MICU1: variants seen among roughly 807,000 people sequenced by gnomAD.
MICU1 encodes mitochondrial calcium uptake 1, also known as calcium uptake protein 1, mitochondrial.
MICU1 carries 45 observed loss-of-function variants against 56.8 expected under a neutral mutation model. The observed-to-expected ratio is 0.79, with a 90% CI of 0.62 to 1.02. MICU1 has a LOEUF of 1.02. MICU1 is among the 50% of genes least tolerant of loss of function. MICU1 has a pLI of 0.00. For missense variants in MICU1, 504 were observed against 587.1 expected (o/e 0.86, Z 1.46); for synonymous variants, 186 against 195.1 (o/e 0.95, Z 0.39).
chr10:72,567,464 A>G (rs1381307179), intron 1 of MICU1, among the ~76,000 whole-genome samples: 1 of 152,210 alleles, frequency 6.6e-6, no homozygotes, highest in African/African-American at 2.4e-5. Flanking sequence ...ACCAGTCTAT[A>G]AAAGGTCTAC....
chr10:72,485,060 T>C (rs962528352), intron 6 of MICU1, among the ~76,000 whole-genome samples: 1 of 152,244 alleles, frequency 6.6e-6, no homozygotes, highest in South Asian at 2.1e-4. Context: ...TATCTGGCCC[T>C]TTAAGAAAAA....
chr10:72,378,758 A>C (rs963468048), intron 10 of MICU1, among the ~76,000 whole-genome samples: 14 of 152,086 alleles, frequency 9.2e-5, no homozygotes, highest in Non-Finnish European at 1.6e-4. Context: ...CCCACCACCA[A>C]CGTGCTGTGT....
chr10:72,390,394 C>T (rs554058883), intron 10 of MICU1, among the ~76,000 whole-genome samples: 1 of 152,078 alleles, frequency 6.6e-6, no homozygotes, highest in South Asian at 2.1e-4. Flanking sequence ...TAATAATGCA[C>T]CTTCATATAT....
chr10:72,534,466 T>C (rs1839574442), intron 4 of MICU1, among the ~76,000 whole-genome samples: 1 of 152,136 alleles, frequency 6.6e-6, no homozygotes, highest in Non-Finnish European at 1.5e-5. Context: ...AAACAGTCCT[T>C]GCCTTGAAAA....
rs181658962 is a variant in MICU1 at position 72,605,111 on chromosome 10, G to A, written c.-2+20899C>T. Among the ~76,000 whole-genome samples the A allele has an allele frequency of 4.6e-5, 7 of 152,206 alleles. No homozygotes were observed. In the East Asian group the frequency reaches 1.4e-3, roughly 29 times the overall value. Reference sequence around the variant, plus strand: ...CACAAAGACCCCGCTAATAAAACAGGGTGCAGTAAAGAAGCCAGCCAAACC... The same window carrying A: ...CACAAAGACCCCGCTAATAAAACAGAGTGCAGTAAAGAAGCCAGCCAAACC... On this transcript the variant is annotated intron_variant, in intron 1 of 11. Transcript: ENST00000361114.
intron 10 of MICU1, among the ~76,000 whole-genome samples, chr10:72,404,399 T>C (rs932934492): frequency 2.0e-5 from 3 of 151,954 alleles, no homozygotes; most frequent in Non-Finnish European, 2.9e-5. Flanking sequence ...ATACTGAAAA[T>C]AAGTGAAGGA....
At chr10:72,400,866 T>TACACACACAC (rs61091649) in intron 10 of MICU1, among the ~76,000 whole-genome samples, 45 of 142,236 alleles carry the variant, frequency 3.2e-4, no homozygotes, top group Non-Finnish European at 5.2e-4. Flanking sequence ...CTGGTGGTGC[T>TACACACACAC]ACACACACAC....
chr10:72,441,560 A>G (rs571378910), intron 8 of MICU1, among the ~76,000 whole-genome samples: 1 of 150,472 alleles, frequency 6.6e-6, no homozygotes, highest in East Asian at 1.9e-4. Flanking sequence ...TTAAAAAAAA[A>G]AAAAAAGAAA....
At chr10:72,532,018 C>G (rs1007908313) in intron 5 of MICU1, among the ~76,000 whole-genome samples, 1 of 149,846 alleles carries the variant, frequency 6.7e-6, no homozygotes, top group Non-Finnish European at 1.5e-5. Context: ...CTCCAAATAA[C>G]CAAAAAAAGT....
intron 8 of MICU1, among the ~76,000 whole-genome samples, chr10:72,431,110 A>G (rs902037155): frequency 4.0e-5 from 6 of 150,926 alleles, no homozygotes; most frequent in African/African-American, 1.5e-4. Flanking sequence ...CTATCTATCT[A>G]TCTATCTATC....
chr10:72,528,104 G>C (rs1868017217), intron 5 of MICU1, among the ~76,000 whole-genome samples: 1 of 152,184 alleles, frequency 6.6e-6, no homozygotes, highest in Non-Finnish European at 1.5e-5. Flanking sequence ...GCGATTACAG[G>C]CCTGAGCCTC....
At chr10:72,423,683 G>A (rs1416104607) in intron 8 of MICU1, among the ~76,000 whole-genome samples, 11 of 152,140 alleles carry the variant, frequency 7.2e-5, no homozygotes, top group Non-Finnish European at 1.5e-4. Context: ...GCCTCTAGAT[G>A]TTTATGGTTA....
chr10:72,427,351 T>A (rs1255046362), intron 8 of MICU1, among the ~76,000 whole-genome samples: 4 of 152,122 alleles, frequency 2.6e-5, no homozygotes. Context: ...CGTATCTGGA[T>A]GAAATGACTT....
chr10:72,572,085 C>T (rs1208786352), intron 1 of MICU1, among the ~76,000 whole-genome samples: 2 of 151,462 alleles, frequency 1.3e-5, no homozygotes, highest in Non-Finnish European at 2.9e-5. Context: ...AACTGTACTA[C>T]TCAACAGCTA....
At chr10:72,411,489 G>A (rs1564852228) in intron 9 of MICU1, among the ~76,000 whole-genome samples, 1 of 151,888 alleles carries the variant, frequency 6.6e-6, no homozygotes, top group South Asian at 2.1e-4. Flanking sequence ...CACTGCACCC[G>A]GCTAATTTTT....
chr10:72,375,825 C>A lies in MICU1; in HGVS notation c.1228G>T (p.Asp410Tyr). 6.2e-7 allele frequency: 1 copy of A among 1,613,454 alleles called. No individual in the cohort carries two copies. The highest frequency in any genetic ancestry group is 1.1e-5 in the South Asian group (1 of 90,842). ...GCAAACACCACATCACACACGTGGT[C>A]TGAGAGCTCCACTTTAGCCACTGTC... is the stretch of plus-strand genomic sequence containing the variant. ...ARTVAKVELS[D>Y]HVCDVVFALF... is the part of the protein sequence containing the mutation. Residue 410 changes from aspartate to tyrosine, a missense_variant, in exon 11 of 12, where the codon GAC becomes TAC. Asp to Tyr is a radical substitution (Grantham distance 160). Transcript: ENST00000361114.
intron 5 of MICU1, among the ~76,000 whole-genome samples, chr10:72,526,932 C>CAAAAA (rs57033966): frequency 2.2e-4 from 28 of 127,578 alleles, no homozygotes; most frequent in East Asian, 8.6e-4. Flanking sequence ...GTAATGGCTT[C>CAAAAA]AAAAAAAAAA....
intron 1 of MICU1, among the ~76,000 whole-genome samples, chr10:72,612,011 C>CAAAAAAAAAA (rs55767300): frequency 1.7e-5 from 2 of 119,960 alleles, no homozygotes; most frequent in Non-Finnish European, 3.4e-5. Context: ...ACCAACCAAC[C>CAAAAAAAAAA]AAAAAAAAAA....
chr10:72,603,324 TTGCAGTGAGCTGAGATCA>T (rs1371177608), intron 1 of MICU1, among the ~76,000 whole-genome samples: 1 of 148,012 alleles, frequency 6.8e-6, no homozygotes, highest in Non-Finnish European at 1.5e-5. Flanking sequence ...GAGATGGAGG[TTGCAGTGAGCTGAGATCA>T]TGCCACTGCA....
Sources: gnomAD v4.1 joint callset for allele counts (sites outside exome capture counted in the v4.1 genomes callset) on GRCh38, gnomAD v4.1.1 for gene constraint, MANE v1.5 for transcripts, NCBI Gene and HGNC (gene_info 2026-07-23, HGNC 2026-07-21) for gene names.